PTPRM: variants seen among roughly 807,000 people sequenced by gnomAD.
The protein encoded by PTPRM is receptor-type tyrosine-protein phosphatase mu.
In PTPRM, 47 loss-of-function variants were observed where a neutral mutation model predicts 186.7. That is an observed-to-expected ratio of 0.25 (90% CI 0.20 to 0.32). The LOEUF is 0.32. Among genes scored for constraint, PTPRM ranks in the 10% least tolerant of loss-of-function variants. The pLI, the probability that PTPRM is intolerant of heterozygous loss-of-function variation, is 1.00. For missense variants in PTPRM, 1,494 were observed against 1,865.0 expected, an observed-to-expected ratio of 0.80 and a Z score of 3.66; for synonymous variants, 668 against 674.9, an observed-to-expected ratio of 0.99 and a Z score of 0.16.
chr18:7,865,039 AT>A (rs2047607311), intron 2 of PTPRM, among the ~76,000 whole-genome samples: 1 of 152,196 alleles, frequency 6.6e-6, no homozygotes, highest in African/African-American at 2.4e-5. Context: ...ATTTTTGCAC[AT>A]TGATTATGTA....
intron 7 of PTPRM, among the ~76,000 whole-genome samples, chr18:8,027,378 A>G (rs1031907133): frequency 2.0e-5 from 3 of 152,234 alleles, no homozygotes; most frequent in Non-Finnish European, 2.9e-5. Context: ...AATGAGAAAC[A>G]TATCCCTTAA....
intron 1 of PTPRM, among the ~76,000 whole-genome samples, chr18:7,718,919 G>A (rs560325668): frequency 1.1e-4 from 17 of 152,320 alleles, no homozygotes; most frequent in African/African-American, 3.8e-4. Context: ...TGGTTGTGAT[G>A]AAAAGGGAAT....
chr18:8,230,288 G>A (rs2094270275), intron 14 of PTPRM, among the ~76,000 whole-genome samples: 1 of 152,226 alleles, frequency 6.6e-6, no homozygotes, highest in Admixed American at 6.5e-5. Context: ...GGTAGGTAGT[G>A]TGTGCCATAG....
intron 20 of PTPRM, among the ~76,000 whole-genome samples, chr18:8,309,745 GCTGGTCTTGAACTC>G (rs2095253889): frequency 6.6e-6 from 1 of 152,058 alleles, no homozygotes; most frequent in Admixed American, 6.6e-5. Flanking sequence ...TGTTGCCCAG[GCTGGTCTTGAACTC>G]CTGAGCTCAA....
chr18:7,899,060 C>CGCTT (rs1311708813), intron 3 of PTPRM, among the ~76,000 whole-genome samples: 1 of 152,172 alleles, frequency 6.6e-6, no homozygotes, highest in Non-Finnish European at 1.5e-5. Flanking sequence ...CTGACTGGAG[C>CGCTT]GCTTCTAACA....
chr18:8,105,720 G>A (rs2091485250), intron 11 of PTPRM, among the ~76,000 whole-genome samples: 2 of 152,208 alleles, frequency 1.3e-5, no homozygotes. Context: ...GCGCCTGTGG[G>A]AGGGTGTACA....
chr18:7,684,848 T>G (rs937499583), intron 1 of PTPRM, among the ~76,000 whole-genome samples: 1 of 152,200 alleles, frequency 6.6e-6, no homozygotes, highest in Non-Finnish European at 1.5e-5. Flanking sequence ...TTCAATTTCT[T>G]TTTTGGGTAA....
chr18:7,716,737 T>C (rs1380961944), intron 1 of PTPRM, among the ~76,000 whole-genome samples: 1 of 152,200 alleles, frequency 6.6e-6, no homozygotes, highest in Non-Finnish European at 1.5e-5. Context: ...AAGCTCATCA[T>C]CAGTGGTCAT....
rs184491036 is a variant in PTPRM, at chr18:8,327,480, T to A, written c.2956+8266T>A. On this transcript the variant is annotated intron_variant, in intron 22 of 32. Coordinates refer to ENST00000580170, the MANE Select transcript of PTPRM (RefSeq NM_001105244.2). ...GAGTTTATTCATGATTCAATAAGTA[T>A]GCACCACCTGTCTTGTAGTGAGTTG... 1.1e-4 allele frequency among the ~76,000 whole-genome samples: 17 copies of A among 152,358 alleles called. No homozygotes were observed. The East Asian group carries it at 2.7e-3, about 24-fold the overall frequency.
At chr18:8,277,058 C>G (rs1414391537) in intron 19 of PTPRM, among the ~76,000 whole-genome samples, 2 of 151,830 alleles carry the variant, frequency 1.3e-5, no homozygotes, top group African/African-American at 4.8e-5. Flanking sequence ...TGCCTCAGCC[C>G]CCTGAGTAGC....
rs140954898 is a variant in PTPRM at position 8,185,915 on chromosome 18, A to G, written c.2300+42136A>G. On this transcript the variant is annotated intron_variant, in intron 14 of 32. Transcript: ENST00000580170. ...GTTGCCCCTTACCTCCTCCATACAC[A>G]GTCCTGTTCCCCAGGGGGAAATCTG... 7.9e-3 allele frequency among the ~76,000 whole-genome samples: 1,197 copies of G among 152,312 alleles called. 16 individuals carry two copies. The highest frequency in any genetic ancestry group is 0.027 in the African/African-American group (1,131 of 41,572).
At position 8,054,315 on chromosome 18, in the gene PTPRM, A is replaced by T. The variant is rs9957558; in HGVS notation, c.1133-15371A>T. 9.3e-3 allele frequency among the ~76,000 whole-genome samples: 1,309 copies of T among 141,042 alleles called. 76 individuals carry two copies. The highest frequency in any genetic ancestry group is 0.034 in the African/African-American group (1,203 of 35,268). The allele number at this position is 141,042 out of a possible 152,430, so 92.5% of individuals were successfully genotyped here. A position where few individuals can be genotyped will look rare whatever the true frequency, so the allele number is the denominator to read the frequency against. ...GTAGTAGTAATATATATATATATATATATATATTACTACTACTAGTGGTAG... is the reference window on the plus strand; with the variant it reads ...GTAGTAGTAATATATATATATATATTTATATATTACTACTACTAGTGGTAG... On this transcript the variant is annotated intron_variant, in intron 7 of 32. Coordinates refer to ENST00000580170, the MANE Select transcript of PTPRM (RefSeq NM_001105244.2).
intron 22 of PTPRM, among the ~76,000 whole-genome samples, chr18:8,339,992 A>C (rs980262157): frequency 2.0e-4 from 30 of 152,056 alleles, no homozygotes; most frequent in East Asian, 5.8e-4. Context: ...CAAAAAAAAA[A>C]CCCCACAAAA....
chr18:7,990,222 A>C (rs2083191023), intron 7 of PTPRM, among the ~76,000 whole-genome samples: 1 of 152,132 alleles, frequency 6.6e-6, no homozygotes, highest in Non-Finnish European at 1.5e-5. Context: ...ATATTTTCTG[A>C]ACATTTACTC....
At chr18:8,195,802 G>C (rs1003141115) in intron 14 of PTPRM, among the ~76,000 whole-genome samples, 3 of 152,124 alleles carry the variant, frequency 2.0e-5, no homozygotes, top group Admixed American at 6.5e-5. Flanking sequence ...ACACTGTTCA[G>C]GTGATGGTTA....
chr18:7,957,133 T>G (rs2053366058), intron 7 of PTPRM, among the ~76,000 whole-genome samples: 1 of 152,038 alleles, frequency 6.6e-6, no homozygotes, highest in African/African-American at 2.4e-5. Flanking sequence ...TCAATTCTAG[T>G]CACTAGCAGC....
chr18:7,640,663 G>A (rs1031340568), intron 1 of PTPRM, among the ~76,000 whole-genome samples: 4 of 152,078 alleles, frequency 2.6e-5, no homozygotes, highest in African/African-American at 9.7e-5. Context: ...ATGGGGAAAG[G>A]GAGGAGCCAG....
intron 7 of PTPRM, among the ~76,000 whole-genome samples, chr18:8,021,952 A>G (rs1420328260): frequency 6.6e-6 from 1 of 152,222 alleles, no homozygotes; most frequent in Non-Finnish European, 1.5e-5. Context: ...TATAAATTCT[A>G]TCAGTTTTAT....
chr18:8,098,975 C>T (rs1358187970), intron 11 of PTPRM, among the ~76,000 whole-genome samples: 1 of 152,154 alleles, frequency 6.6e-6, no homozygotes, highest in African/African-American at 2.4e-5. Flanking sequence ...CTTCCTGGGG[C>T]AGCCTCCCTT....
Sources: gnomAD v4.1 joint callset for allele counts (sites outside exome capture counted in the v4.1 genomes callset) on GRCh38, gnomAD v4.1.1 for gene constraint, MANE v1.5 for transcripts, NCBI Gene and HGNC (gene_info 2026-07-23, HGNC 2026-07-21) for gene names.